Variants in CERS6 observed in about 807,000 individuals in gnomAD.
CERS6 encodes the protein LAG1 homolog, ceramide synthase 6.
CERS6 carries 26 observed loss-of-function variants against 56.8 expected under a neutral mutation model. The observed-to-expected ratio is 0.46, with a 90% CI of 0.34 to 0.63. The LOEUF (loss-of-function observed/expected upper bound fraction) is 0.63, where lower values mean the gene tolerates loss of function less well. Among genes scored for constraint, CERS6 ranks in the 30% least tolerant of loss-of-function variants. The pLI, the probability that CERS6 is intolerant of heterozygous loss-of-function variation, is 0.01. For missense variants in CERS6, 415 were observed against 467.5 expected, an observed-to-expected ratio of 0.89 and a Z score of 1.04; for synonymous variants, 164 against 173.3, an observed-to-expected ratio of 0.95 and a Z score of 0.42.
intron 1 of CERS6, among the ~76,000 whole-genome samples, chr2:168,490,861 AC>A (rs1460964717): frequency 6.6e-6 from 1 of 152,180 alleles, no homozygotes; most frequent in African/African-American, 2.4e-5. Flanking sequence ...ATGTCAACAG[AC>A]CTTCCCCGCA....
At chr2:168,633,934 C>A (rs917111976) in intron 4 of CERS6, among the ~76,000 whole-genome samples, 2 of 152,170 alleles carry the variant, frequency 1.3e-5, no homozygotes, top group African/African-American at 4.8e-5. Flanking sequence ...CTACAGCTGC[C>A]TCTTACTTCT....
chr2:168,598,678 T>G (rs564646473), intron 3 of CERS6, among the ~76,000 whole-genome samples: 1 of 152,280 alleles, frequency 6.6e-6, no homozygotes, highest in Non-Finnish European at 1.5e-5. Flanking sequence ...GAAAGAAAAT[T>G]TAATAACGTA....
chr2:168,550,671 A>G (rs1695550668), intron 2 of CERS6, among the ~76,000 whole-genome samples: 1 of 152,206 alleles, frequency 6.6e-6, no homozygotes, highest in Non-Finnish European at 1.5e-5. Flanking sequence ...GGGAGCAGAG[A>G]AATACAGTCA....
At chr2:168,561,430 A>G in intron 3 of CERS6, 108 bp downstream of exon 3, 1 of 1,233,146 alleles carries the variant, frequency 8.1e-7, no homozygotes. Flanking sequence ...AAAAAGCTGC[A>G]ATCTGGTGGG....
chr2:168,724,186 C>A (rs1025129777), intron 8 of CERS6, among the ~76,000 whole-genome samples: 1 of 152,114 alleles, frequency 6.6e-6, no homozygotes, highest in Admixed American at 6.5e-5. Flanking sequence ...AGGAGTGAAG[C>A]TGCAGACCTT....
At chr2:168,534,383 C>A (rs1345854911) in intron 1 of CERS6, among the ~76,000 whole-genome samples, 1 of 147,300 alleles carries the variant, frequency 6.8e-6, no homozygotes, top group Non-Finnish European at 1.5e-5. Context: ...AACCTGCTAA[C>A]CCTTGGATGC....
chr2:168,544,343 A>G (rs1416634892), intron 1 of CERS6, among the ~76,000 whole-genome samples: 4 of 152,180 alleles, frequency 2.6e-5, no homozygotes, highest in African/African-American at 9.7e-5. Context: ...TTTCCCTGGA[A>G]GTAGAGGCCA....
chr2:168,557,996 T>TA (rs1168331590), intron 2 of CERS6, among the ~76,000 whole-genome samples: 2 of 152,072 alleles, frequency 1.3e-5, no homozygotes, highest in Admixed American at 1.3e-4. Flanking sequence ...ATACTCTTCA[T>TA]AAAAAAATGG....
At chr2:168,477,201 GAGAGAGAGAGAGAGAGAGT>G in intron 1 of CERS6, among the ~76,000 whole-genome samples, 1 of 144,092 alleles carries the variant, frequency 6.9e-6, no homozygotes, top group Non-Finnish European at 1.6e-5. Flanking sequence ...GAGAGAGAGA[GAGAGAGAGAGAGAGAGAGT>G]CTCATAGGGC....
intron 3 of CERS6, among the ~76,000 whole-genome samples, chr2:168,561,620 C>A (rs984505607): frequency 6.6e-6 from 1 of 152,128 alleles, no homozygotes; most frequent in African/African-American, 2.4e-5. Flanking sequence ...AAAGTTGTTA[C>A]TTTTATAGAT....
At chr2:168,670,127 C>T (rs1355922663) in intron 4 of CERS6, among the ~76,000 whole-genome samples, 1 of 152,090 alleles carries the variant, frequency 6.6e-6, no homozygotes, top group African/African-American at 2.4e-5. Flanking sequence ...AATTCTTGCT[C>T]TTTTTGACTT....
chr2:168,473,638 TTAGAA>T (rs1020974455), intron 1 of CERS6, among the ~76,000 whole-genome samples: 1 of 152,106 alleles, frequency 6.6e-6, no homozygotes, highest in Admixed American at 6.5e-5. Flanking sequence ...TTTGAAATAT[TTAGAA>T]TATGATACCT....
intron 4 of CERS6, among the ~76,000 whole-genome samples, chr2:168,656,389 C>T (rs1018690107): frequency 6.6e-6 from 1 of 152,086 alleles, no homozygotes; most frequent in Non-Finnish European, 1.5e-5. Flanking sequence ...AGAATGAAGC[C>T]GTGGACCCTC....
intron 1 of CERS6, among the ~76,000 whole-genome samples, chr2:168,475,035 A>G (rs184175168): frequency 4.6e-5 from 7 of 152,332 alleles, no homozygotes; most frequent in Non-Finnish European, 2.9e-5. Flanking sequence ...TGAGAACTCA[A>G]AAAGACTTTA....
At chr2:168,769,168 T>A (rs1010555725) in intron 9 of CERS6, among the ~76,000 whole-genome samples, 3 of 152,202 alleles carry the variant, frequency 2.0e-5, no homozygotes, top group African/African-American at 7.2e-5. Context: ...ATTGATCCAT[T>A]TGTACCAAAT....
At chr2:168,521,366 T>C (rs973992485) in intron 1 of CERS6, among the ~76,000 whole-genome samples, 1 of 152,210 alleles carries the variant, frequency 6.6e-6, no homozygotes, top group Non-Finnish European at 1.5e-5. Context: ...TTCTCTTCTC[T>C]AACAGAGAGA....
At chr2:168,755,030 A>G (rs374967722) in intron 8 of CERS6, among the ~76,000 whole-genome samples, 41 of 152,290 alleles carry the variant, frequency 2.7e-4, no homozygotes, top group African/African-American at 9.6e-4. Flanking sequence ...TCAGCCTCCC[A>G]AAGCTCTGGG....
At chr2:168,665,430 A>G (rs1429361758) in intron 4 of CERS6, among the ~76,000 whole-genome samples, 1 of 152,186 alleles carries the variant, frequency 6.6e-6, no homozygotes, top group Admixed American at 6.5e-5. Flanking sequence ...GAGCCAGGTA[A>G]GTGCTGTTTG....
chr2:168,674,785 G>A (rs1483987177), intron 4 of CERS6, among the ~76,000 whole-genome samples: 1 of 152,022 alleles, frequency 6.6e-6, no homozygotes, highest in Non-Finnish European at 1.5e-5. Flanking sequence ...TTCTTTTCTT[G>A]ATTTGCCATC....
Sources: gnomAD v4.1 joint callset for allele counts (sites outside exome capture counted in the v4.1 genomes callset) on GRCh38, gnomAD v4.1.1 for gene constraint, MANE v1.5 for transcripts, NCBI Gene and HGNC (gene_info 2026-07-23, HGNC 2026-07-21) for gene names.